Variants in CMC2 observed in about 807,000 individuals in gnomAD.
CMC2 encodes C-X9-C motif containing 2, also known as COX assembly mitochondrial protein 2 homolog.
Under a neutral mutation model 7.5 loss-of-function variants are expected in CMC2, and 5 were observed. The ratio of observed to expected loss-of-function variants is 0.66; its 90% CI spans 0.35 to 1.40. The LOEUF (loss-of-function observed/expected upper bound fraction) is 1.40. Among genes scored for constraint, CMC2 ranks in the 40% most tolerant of loss-of-function variants. The pLI is 0.04. For missense variants in CMC2, 115 were observed against 92.3 expected (o/e 1.25, Z -1.01); for synonymous variants, 37 against 31.4 (o/e 1.18, Z -0.60).
intron 1 of CMC2, among the ~76,000 whole-genome samples, chr16:81,005,200 A>C (rs1375386475): frequency 6.6e-6 from 1 of 152,188 alleles, no homozygotes; most frequent in African/African-American, 2.4e-5. Flanking sequence ...AGGCCGAGGC[A>C]GGCAGATCAC....
intron 3 of CMC2, among the ~76,000 whole-genome samples, chr16:80,979,977 G>T (rs181282861): frequency 6.6e-6 from 1 of 151,422 alleles, no homozygotes; most frequent in Admixed American, 6.6e-5. Context: ...AAGCACTGTG[G>T]CGACCTAGAT....
rs900583241 is a variant in CMC2 at position 80,973,379 on chromosome 16, T to C, written c.*2714A>G. On this transcript the variant is annotated 3_prime_UTR_variant, in exon 4 of 4. Coordinates refer to ENST00000219400, the MANE Select transcript of CMC2 (RefSeq NM_020188.5). ...AGTGTTTCCAATACCCCAATTTGGG[T>C]GCACTTGAGAGAAAAACAATATTGA... 1 of 152,108 alleles carries C rather than the reference T, an allele frequency of 6.6e-6. No individual in the cohort carries two copies. Among genetic ancestry groups the C allele is most frequent in the African/African-American group, 2.4e-5 (1 of 41,400 alleles). 9.4% of individuals were successfully genotyped at this position (152,108 alleles called of 1,614,324 possible). A position where few individuals can be genotyped will look rare whatever the true frequency, so the allele number is the denominator to read the frequency against.
In CMC2 at chr16:80,969,426, C is replaced by A. The variant is rs1409520349; in HGVS notation, c.*6667G>T. On this transcript the variant is annotated 3_prime_UTR_variant, in exon 4 of 4. Coordinates refer to ENST00000219400, the MANE Select transcript of CMC2 (RefSeq NM_020188.5). The stretch of plus-strand genomic sequence containing the variant: ...GCAATTGGTACTGGGAAGGTTCTTG[C>A]CCACTTCAGTAAATGGGGCCCACAG... The A allele has an allele frequency of 6.6e-6, 1 of 152,242 alleles. No homozygotes were observed. The highest frequency in any genetic ancestry group is 2.4e-5 in the African/African-American group (1 of 41,442). 9.4% of individuals were successfully genotyped at this position (152,242 alleles called of 1,614,324 possible). A position where few individuals can be genotyped will look rare whatever the true frequency, so the allele number is the denominator to read the frequency against.
Position 80,973,950 on chromosome 16 carries a change from G to C in CMC2, c.*2143C>G, listed in dbSNP as rs536795730. On this transcript the variant is annotated 3_prime_UTR_variant, in exon 4 of 4. Transcript: ENST00000219400. ...AAGTTTCATCCTGCTCTTATGGTCA[G>C]CTACTGACATTGGCCTACAGGGCCT... 6.6e-6 allele frequency: 1 copy of C among 152,168 alleles called. No individual in the cohort carries two copies. Among genetic ancestry groups the C allele is most frequent in the African/African-American group, 2.4e-5 (1 of 41,438 alleles). The allele number at this position is 152,168 out of a possible 1,614,324, so 9.4% of individuals were successfully genotyped here. A position where few individuals can be genotyped will look rare whatever the true frequency, so the allele number is the denominator to read the frequency against.
chr16:80,993,848 G>T (rs535382428), intron 2 of CMC2, among the ~76,000 whole-genome samples: 1 of 152,096 alleles, frequency 6.6e-6, no homozygotes, highest in African/African-American at 2.4e-5. Flanking sequence ...ATGACAAGCT[G>T]ATTCTAAAAT....
Position 80,972,794 on chromosome 16 carries a change from T to G in CMC2, c.*3299A>C, listed in dbSNP as rs1185203473. 2 of 152,174 alleles carry G rather than the reference T, an allele frequency of 1.3e-5. No individual in the cohort carries two copies. The highest frequency in any genetic ancestry group is 4.8e-5 in the African/African-American group (2 of 41,436). The allele number at this position is 152,174 out of a possible 1,614,324, so 9.4% of individuals were successfully genotyped here. On this transcript the variant is annotated 3_prime_UTR_variant, in exon 4 of 4. Coordinates refer to ENST00000219400, the MANE Select transcript of CMC2 (RefSeq NM_020188.5). The stretch of plus-strand genomic sequence containing the variant: ...ATCCTGCACAGACCCTACAATGCCT[T>G]CCTGTTGCCCTTAGCAGGAAAGCCA...
rs562110057 is a variant in CMC2, at chr16:80,972,050, G to C, written c.*4043C>G. ...ATGTGACCAGCTGCCGGTGAGATCA[G>C]ACTAGAGCTTAGAGGACAGAAATGG... On this transcript the variant is annotated 3_prime_UTR_variant, in exon 4 of 4. Coordinates refer to ENST00000219400, the MANE Select transcript of CMC2 (RefSeq NM_020188.5). 1.8e-3 allele frequency: 277 copies of C among 152,366 alleles called. No individual in the cohort carries two copies. The highest frequency in any genetic ancestry group is 3.4e-3 in the Middle Eastern group (1 of 294). 9.4% of individuals were successfully genotyped at this position (152,366 alleles called of 1,614,324 possible).
At position 81,006,581 on chromosome 16, in the gene CMC2, A is replaced by G. The variant is rs530814245; in HGVS notation, c.-36+153T>C. 26 of 432,488 alleles carry G rather than the reference A, an allele frequency of 6.0e-5. No homozygotes were observed. In the South Asian group the frequency reaches 2.3e-3, roughly 38 times the overall value. The allele number at this position is 432,488 out of a possible 1,614,324, so 26.8% of individuals were successfully genotyped here. A position where few individuals can be genotyped will look rare whatever the true frequency, so the allele number is the denominator to read the frequency against. On this transcript the variant is annotated intron_variant, in intron 1 of 3. Transcript: ENST00000219400. Reference sequence around the variant, plus strand: ...TCGCTCGCAGCCTCCCCAGCGCAGCAGCCCGGCTGTGGGCCTGCGGCAGCC... The same window carrying G: ...TCGCTCGCAGCCTCCCCAGCGCAGCGGCCCGGCTGTGGGCCTGCGGCAGCC...
At chr16:80,983,886 C>T (rs937458355) in intron 2 of CMC2, 1 of 152,090 alleles carries the variant, frequency 6.6e-6, no homozygotes, top group Non-Finnish European at 1.5e-5. Context: ...GAGGCTGAGG[C>T]AGGAGAACTG....
chr16:80,997,612 C>A lies in CMC2; in HGVS notation c.-35-183G>T, dbSNP rs899195083. 15 of 440,074 alleles carry A rather than the reference C, an allele frequency of 3.4e-5. No individual in the cohort carries two copies. In the East Asian group the frequency reaches 5.1e-4, roughly 15 times the overall value. The allele number at this position is 440,074 out of a possible 1,614,324, so 27.3% of individuals were successfully genotyped here. A position where few individuals can be genotyped will look rare whatever the true frequency, so the allele number is the denominator to read the frequency against. The stretch of plus-strand genomic sequence containing the variant: ...TTCTAATTCAATGATTTAAGATATT[C>A]AGCAAGTTATCAGTAGTATTTAGAG... On this transcript the variant is annotated intron_variant, in intron 1 of 3. Transcript: ENST00000219400.
rs990579547 is a variant in CMC2 at position 80,970,792 on chromosome 16, A to G, written c.*5301T>C. ...TGTATCAGTAATAGGAAATTAGAAT[A>G]AATTGGATGCAGGGGCTCATGCCTA... On this transcript the variant is annotated 3_prime_UTR_variant, in exon 4 of 4. Transcript: ENST00000219400. The G allele has an allele frequency of 1.3e-5, 2 of 152,208 alleles. No individual in the cohort carries two copies. Among genetic ancestry groups the G allele is most frequent in the African/African-American group, 4.8e-5 (2 of 41,470 alleles). 9.4% of individuals were successfully genotyped at this position (152,208 alleles called of 1,614,324 possible).
chr16:80,980,961 G>A (rs1309935389), intron 3 of CMC2: 1 of 523,382 alleles, frequency 1.9e-6, no homozygotes, highest in East Asian at 3.3e-5. Context: ...AACAGTAAAG[G>A]TGAATGTCAC....
chr16:80,978,339 A>G (rs999145780), intron 3 of CMC2: 35 of 1,265,052 alleles, frequency 2.8e-5, no homozygotes, highest in Non-Finnish European at 3.4e-5. Flanking sequence ...GGCCAATAAA[A>G]TAAGTTACAA....
At chr16:81,001,857 C>A (rs766865392) in intron 1 of CMC2, among the ~76,000 whole-genome samples, 29 of 152,250 alleles carry the variant, frequency 1.9e-4, no homozygotes, top group Non-Finnish European at 3.7e-4. Flanking sequence ...CACACACACA[C>A]ACACACACCA....
At chr16:80,988,998 T>C (rs1427084141) in intron 2 of CMC2, among the ~76,000 whole-genome samples, 2 of 152,224 alleles carry the variant, frequency 1.3e-5, no homozygotes, top group Non-Finnish European at 2.9e-5. Context: ...TTGGCAGGAA[T>C]ACCCTAGAAG....
Position 80,974,221 on chromosome 16 carries a change from C to T in CMC2, c.*1872G>A, listed in dbSNP as rs998582552. 1 of 152,274 alleles carries T rather than the reference C, an allele frequency of 6.6e-6. No individual in the cohort carries two copies. Among genetic ancestry groups the T allele is most frequent in the Non-Finnish European group, 1.5e-5 (1 of 68,094 alleles). 9.4% of individuals were successfully genotyped at this position (152,274 alleles called of 1,614,324 possible). On this transcript the variant is annotated 3_prime_UTR_variant, in exon 4 of 4. Transcript: ENST00000219400. Reference sequence around the variant, plus strand: ...ACTCAATGCTTGAATCGTCACTCCTCCTAATCCCCAAAGCCACATCTTTCA... The same window carrying T: ...ACTCAATGCTTGAATCGTCACTCCTTCTAATCCCCAAAGCCACATCTTTCA...
chr16:80,989,918 C>CT (rs1377201793), intron 2 of CMC2, among the ~76,000 whole-genome samples: 1 of 152,226 alleles, frequency 6.6e-6, no homozygotes, highest in Non-Finnish European at 1.5e-5. Context: ...ATCCACACTG[C>CT]TGCAAAATCC....
At chr16:80,996,515 C>A (rs1349555240) in intron 2 of CMC2, among the ~76,000 whole-genome samples, 1 of 152,146 alleles carries the variant, frequency 6.6e-6, no homozygotes, top group Non-Finnish European at 1.5e-5. Context: ...TTGTCATCAA[C>A]AACATTCTTT....
At chr16:81,005,481 C>T (rs1407244703) in intron 1 of CMC2, among the ~76,000 whole-genome samples, 1 of 88,094 alleles carries the variant, frequency 1.1e-5, no homozygotes, top group Non-Finnish European at 3.1e-5. Flanking sequence ...ACATTTCGGC[C>T]CTGGTATTAA....
Sources: gnomAD v4.1 joint callset for allele counts (sites outside exome capture counted in the v4.1 genomes callset) on GRCh38, gnomAD v4.1.1 for gene constraint, MANE v1.5 for transcripts, NCBI Gene and HGNC (gene_info 2026-07-23, HGNC 2026-07-21) for gene names.